Variants in NRXN1 observed in about 807,000 individuals in gnomAD.
The protein encoded by NRXN1 is neurexin-1.
Under a neutral mutation model 150.9 loss-of-function variants are expected in NRXN1, and 39 were observed. That is an observed-to-expected ratio of 0.26 (90% CI 0.20 to 0.34). The LOEUF (loss-of-function observed/expected upper bound fraction) is 0.34. NRXN1 is among the 10% of genes least tolerant of loss of function. The pLI is 1.00. For missense variants in NRXN1, 1,815 were observed against 1,949.9 expected, an observed-to-expected ratio of 0.93 and a Z score of 1.30; for synonymous variants, 924 against 757.0, an observed-to-expected ratio of 1.22 and a Z score of -3.62.
At chr2:50,733,932 G>A (rs921289193) in intron 5 of NRXN1, among the ~76,000 whole-genome samples, 2 of 152,072 alleles carry the variant, frequency 1.3e-5, no homozygotes, top group African/African-American at 4.8e-5. Context: ...GTATATGTGT[G>A]GGAGGTATAG....
intron 8 of NRXN1, among the ~76,000 whole-genome samples, chr2:50,609,944 C>A (rs778620857): frequency 6.6e-6 from 1 of 152,088 alleles, no homozygotes; most frequent in Admixed American, 6.6e-5. Flanking sequence ...AGATAAAAAT[C>A]TCATTTTCCT....
intron 2 of NRXN1, among the ~76,000 whole-genome samples, chr2:50,951,500 A>T (rs1691329870): frequency 6.6e-6 from 1 of 152,194 alleles, no homozygotes; most frequent in Non-Finnish European, 1.5e-5. Flanking sequence ...ACACCTTTAT[A>T]TAGTTCACTA....
At chr2:50,700,062 A>C (rs1007576110) in intron 5 of NRXN1, among the ~76,000 whole-genome samples, 11 of 152,170 alleles carry the variant, frequency 7.2e-5, no homozygotes, top group Admixed American at 6.5e-4. Context: ...TTTAAAAAAA[A>C]TTGTTCCTTT....
rs142905877 is a variant in NRXN1 at position 50,429,811 on chromosome 2, G to A, written c.3364+35631C>T. On this transcript the variant is annotated intron_variant, in intron 17 of 22. Transcript: ENST00000401669. Reference sequence around the variant, plus strand: ...GCCCCATCAATAGAACTTCTATTGTGGGCATAATGGAATAAGACGAGAGAA... The same window carrying A: ...GCCCCATCAATAGAACTTCTATTGTAGGCATAATGGAATAAGACGAGAGAA... Among the ~76,000 whole-genome samples, 72 of 152,138 alleles carry A rather than the reference G, an allele frequency of 4.7e-4. 1 individual carries two copies. Among genetic ancestry groups the A allele is most frequent in the African/African-American group, 1.6e-3 (65 of 41,518 alleles).
At chr2:50,979,643 C>T (rs1291050854) in intron 2 of NRXN1, among the ~76,000 whole-genome samples, 1 of 152,126 alleles carries the variant, frequency 6.6e-6, no homozygotes, top group African/African-American at 2.4e-5. Context: ...AGGGCTTGCT[C>T]TGTGTCTCAG....
chr2:50,474,754 C>T (rs1268944255), intron 15 of NRXN1, among the ~76,000 whole-genome samples: 1 of 142,804 alleles, frequency 7.0e-6, no homozygotes, highest in East Asian at 2.0e-4. Flanking sequence ...TGCTGGGTAG[C>T]ACCTCAGTGA....
At chr2:50,908,164 T>C (rs1045790507) in intron 5 of NRXN1, among the ~76,000 whole-genome samples, 2 of 152,090 alleles carry the variant, frequency 1.3e-5, no homozygotes, top group Non-Finnish European at 1.5e-5. Flanking sequence ...TTACTACTTT[T>C]AATGATTGAA....
At chr2:50,320,283 CATATATATATATATATATATATATAT>C (rs61282635) in intron 17 of NRXN1, among the ~76,000 whole-genome samples, 21 of 43,056 alleles carry the variant, frequency 4.9e-4, no homozygotes, top group South Asian at 1.5e-3. Flanking sequence ...ATACCTCAAT[CATATATATATATATATATATATATAT>C]ATATATATAT....
chr2:50,405,484 AGAAAACAAT>A (rs760159551), intron 17 of NRXN1, among the ~76,000 whole-genome samples: 15 of 152,162 alleles, frequency 9.9e-5, no homozygotes, highest in Non-Finnish European at 1.8e-4. Context: ...CTTAGCATAT[AGAAAACAAT>A]GAAAATAAAG....
chr2:50,669,729 T>C (rs1433703379), intron 5 of NRXN1, among the ~76,000 whole-genome samples: 3 of 151,620 alleles, frequency 2.0e-5, no homozygotes, highest in African/African-American at 7.3e-5. Context: ...GTAACCCTCA[T>C]ATATATGTAG....
intron 12 of NRXN1, among the ~76,000 whole-genome samples, chr2:50,521,527 C>A (rs934436162): frequency 2.0e-5 from 3 of 152,110 alleles, no homozygotes; most frequent in Non-Finnish European, 4.4e-5. Context: ...TTTTTGCTCA[C>A]ATTGTTAATA....
chr2:50,738,369 A>G (rs1699024317), intron 5 of NRXN1, among the ~76,000 whole-genome samples: 1 of 152,198 alleles, frequency 6.6e-6, no homozygotes, highest in Admixed American at 6.5e-5. Context: ...TTAAAAAGCA[A>G]ATTTCTATTT....
chr2:50,023,818 T>C (rs1055417679), intron 21 of NRXN1: 1 of 152,196 alleles, frequency 6.6e-6, no homozygotes, highest in African/African-American at 2.4e-5. Flanking sequence ...AAATACATTT[T>C]TCATAAAAGT....
At chr2:50,927,843 A>T (rs1687137006) in intron 2 of NRXN1, among the ~76,000 whole-genome samples, 1 of 152,000 alleles carries the variant, frequency 6.6e-6, no homozygotes, top group Non-Finnish European at 1.5e-5. Context: ...GTGCTTCGGT[A>T]GAAATTTTGG....
intron 17 of NRXN1, among the ~76,000 whole-genome samples, chr2:50,336,921 G>A (rs945344687): frequency 1.6e-4 from 24 of 151,924 alleles, no homozygotes; most frequent in Non-Finnish European, 8.8e-5. Context: ...ATGACTTGTT[G>A]GAAATTAGAC....
intron 5 of NRXN1, among the ~76,000 whole-genome samples, chr2:50,841,798 C>T (rs1403613380): frequency 6.6e-6 from 1 of 152,156 alleles, no homozygotes; most frequent in Admixed American, 6.5e-5. Context: ...CTTTATATTT[C>T]CAGCTCCCAT....
intron 17 of NRXN1, among the ~76,000 whole-genome samples, chr2:50,302,480 C>G (rs1201314469): frequency 2.0e-5 from 3 of 152,124 alleles, no homozygotes; most frequent in Non-Finnish European, 4.4e-5. Flanking sequence ...GTCCACCATA[C>G]CAAAAGTCAA....
intron 5 of NRXN1, among the ~76,000 whole-genome samples, chr2:50,758,845 C>T (rs1186190114): frequency 2.0e-5 from 3 of 151,842 alleles, no homozygotes; most frequent in African/African-American, 7.2e-5. Context: ...CCAGGATGAC[C>T]AGGTAATGAG....
chr2:50,746,860 A>T (rs1377894358), intron 5 of NRXN1, among the ~76,000 whole-genome samples: 1 of 152,070 alleles, frequency 6.6e-6, no homozygotes, highest in East Asian at 1.9e-4. Context: ...AAGAGCTCAT[A>T]AATATCCTGT....
Sources: allele counts gnomAD v4.1 joint callset (sites outside exome capture counted in the v4.1 genomes callset), GRCh38; gene constraint gnomAD v4.1.1; transcripts MANE v1.5; gene names NCBI Gene and HGNC (gene_info 2026-07-23, HGNC 2026-07-21).